COL11A1: variants seen among roughly 807,000 people sequenced by gnomAD.
The protein encoded by COL11A1 is collagen type XI alpha 1 chain.
Under a neutral mutation model 265.2 loss-of-function variants are expected in COL11A1, and 74 were observed. That is an observed-to-expected ratio of 0.28 (90% CI 0.23 to 0.34). The LOEUF is 0.34. Among genes scored for constraint, COL11A1 ranks in the 10% least tolerant of loss-of-function variants. The probability of loss-of-function intolerance (pLI) is 1.00; values close to 1 mark genes in which losing one functional copy is unlikely to be tolerated. For synonymous variants in COL11A1, 816 were observed against 727.6 expected (o/e 1.12, Z -1.96); for missense variants, 2,165 against 2,263.6 (o/e 0.96, Z 0.88).
At chr1:103,053,409 C>A (rs1159507552) in intron 4 of COL11A1, among the ~76,000 whole-genome samples, 4 of 152,156 alleles carry the variant, frequency 2.6e-5, no homozygotes, top group African/African-American at 4.8e-5. Context: ...AACAGGATAC[C>A]TTGAGGCTGT....
chr1:103,088,007 T>C (rs1673013809), intron 1 of COL11A1, among the ~76,000 whole-genome samples: 3 of 152,318 alleles, frequency 2.0e-5, no homozygotes, highest in Middle Eastern at 6.8e-3. Context: ...CTTTTTATTG[T>C]AGTCTATTGA....
chr1:103,081,328 C>A (rs997738285), intron 2 of COL11A1, among the ~76,000 whole-genome samples: 1 of 151,716 alleles, frequency 6.6e-6, no homozygotes, highest in Non-Finnish European at 1.5e-5. Context: ...TTGTTTTACT[C>A]TCTTCAAAAT....
rs931290537 is a variant in COL11A1, at chr1:103,003,551, A to T, written c.1945-283T>A. ...TTTTTAAAATAGGAAACAGTTTAAT[A>T]TTTTCTATAAGACACTTTTGTGTCA... On this transcript the variant is annotated intron_variant, in intron 20 of 66. Transcript: ENST00000370096. Among the ~76,000 whole-genome samples, 3 of 152,218 alleles carry T rather than the reference A, an allele frequency of 2.0e-5. No individual in the cohort carries two copies. In the South Asian group the frequency reaches 6.2e-4, roughly 32 times the overall value.
At chr1:103,015,846 G>C (rs1666522382) in intron 11 of COL11A1, 104 bp from the exon 12 acceptor site, 5 of 821,888 alleles carry the variant, frequency 6.1e-6, no homozygotes. Context: ...ATTTGCATTT[G>C]CCCTTTCCAC....
At chr1:103,090,142 TAAATAATA>T (rs1485696396) in intron 1 of COL11A1, among the ~76,000 whole-genome samples, 1 of 151,288 alleles carries the variant, frequency 6.6e-6, no homozygotes, top group Non-Finnish European at 1.5e-5. Flanking sequence ...AATAAATAAA[TAAATAATA>T]AAATAAAATA....
At chr1:103,031,907 A>G (rs1232546575) in intron 4 of COL11A1, among the ~76,000 whole-genome samples, 2 of 152,048 alleles carry the variant, frequency 1.3e-5, no homozygotes, top group Non-Finnish European at 2.9e-5. Flanking sequence ...ATAAATTTGT[A>G]TGATTTCAAT....
At chr1:103,054,033 G>A (rs7517682) in intron 4 of COL11A1, among the ~76,000 whole-genome samples, 75,071 of 151,918 alleles carry the variant, frequency 0.49, 20,863 homozygotes, top group East Asian at 0.91. Flanking sequence ...TATCCCCTGA[G>A]ATTTTCACAC....
rs752021003 is a variant in COL11A1 at position 102,914,793 on chromosome 1, C to T, written c.3835G>A (p.Gly1279Arg). 2 of 1,609,122 alleles carry T rather than the reference C, an allele frequency of 1.2e-6. No individual in the cohort carries two copies. The highest frequency in any genetic ancestry group is 1.7e-6 in the Non-Finnish European group (2 of 1,178,554). ...AGVGGPKGER[G>R]EKGEAGPPGA... is the part of the protein sequence containing the mutation. ...GGTGGACCAGCTTCCCCTTTCTCTC[C>T]TCTTTCTCCTTTGGGACCCTAAACA... is the stretch of plus-strand genomic sequence containing the variant. Residue 1279 changes from glycine (G) to arginine (R), a missense_variant, in exon 51 of 67, where the codon GGA (glycine) becomes AGA (arginine). Coordinates refer to ENST00000370096, the MANE Select transcript of COL11A1 (RefSeq NM_001854.4).
intron 31 of COL11A1, among the ~76,000 whole-genome samples, chr1:102,983,750 T>G (rs1663261457): frequency 6.6e-6 from 1 of 152,052 alleles, no homozygotes; most frequent in African/African-American, 2.4e-5. Context: ...ATGAGGGTAA[T>G]AGTGTGAAAG....
chr1:102,976,175 C>T (rs12126868), intron 35 of COL11A1, among the ~76,000 whole-genome samples: 11,461 of 151,618 alleles, frequency 0.076, 490 homozygotes, highest in African/African-American at 0.11. Flanking sequence ...ATTTTGCTGC[C>T]TTTCAAATGC....
At chr1:103,031,358 G>C (rs1667986830) in intron 4 of COL11A1, 114 bp from the exon 5 acceptor site, 4 of 1,264,178 alleles carry the variant, frequency 3.2e-6, no homozygotes, top group Non-Finnish European at 3.3e-6. Flanking sequence ...GAAGAAAAAT[G>C]ACCTACTTAT....
intron 23 of COL11A1, 88 bp from the exon 24 acceptor site, chr1:103,002,057 C>T (rs540640047): frequency 1.5e-5 from 16 of 1,095,080 alleles, no homozygotes; most frequent in South Asian, 1.1e-4. Context: ...CACTATAGTA[C>T]ACAGTGAGTT....
At chr1:102,960,701 T>G (rs186778964) in intron 41 of COL11A1, among the ~76,000 whole-genome samples, 4 of 151,960 alleles carry the variant, frequency 2.6e-5, no homozygotes, top group Non-Finnish European at 5.9e-5. Context: ...CAAGACAACA[T>G]TCAATGCATT....
chr1:102,968,354 C>T (rs908191177), intron 37 of COL11A1, among the ~76,000 whole-genome samples: 14 of 152,096 alleles, frequency 9.2e-5, no homozygotes, highest in African/African-American at 3.4e-4. Flanking sequence ...CAGCATTTGG[C>T]ACTATGTTTC....
At chr1:102,961,260 A>AG (rs2101565247) in intron 41 of COL11A1, among the ~76,000 whole-genome samples, 1 of 152,296 alleles carries the variant, frequency 6.6e-6, no homozygotes, top group South Asian at 2.1e-4. Flanking sequence ...ATGTATCTCA[A>AG]GAAAAAAATG....
At chr1:103,095,782 A>C (rs1391028390) in intron 1 of COL11A1, among the ~76,000 whole-genome samples, 2 of 152,034 alleles carry the variant, frequency 1.3e-5, no homozygotes, top group African/African-American at 4.8e-5. Flanking sequence ...AAGTTAACAA[A>C]AAAAAAAGAT....
chr1:102,927,861 G>A (rs972280820), intron 46 of COL11A1, among the ~76,000 whole-genome samples: 14 of 151,960 alleles, frequency 9.2e-5, no homozygotes, highest in African/African-American at 3.4e-4. Flanking sequence ...ACCTATTATT[G>A]TTTAACATGT....
chr1:102,881,556 T>C (rs1650242436), intron 65 of COL11A1, 141 bp downstream of exon 65: 3 of 708,956 alleles, frequency 4.2e-6, no homozygotes, highest in African/African-American at 1.8e-5. Flanking sequence ...CTAAGAGATA[T>C]TAAGTGGAAC....
rs183650139 is a variant in COL11A1, at chr1:102,975,938, T to A, written c.2755-1055A>T. The stretch of plus-strand genomic sequence containing the variant: ...CAGCATCTTATATTTAAAAAGTAAC[T>A]TCAAAGTTATATATAAAGTTAACAA... On this transcript the variant is annotated intron_variant, in intron 35 of 66. Transcript: ENST00000370096. Among the ~76,000 whole-genome samples the A allele has an allele frequency of 2.4e-4, 36 of 152,204 alleles. 1 individual carries two copies. In the East Asian group the frequency reaches 6.0e-3, roughly 25 times the overall value.
Sources: allele counts gnomAD v4.1 joint callset (sites outside exome capture counted in the v4.1 genomes callset), GRCh38; gene constraint gnomAD v4.1.1; transcripts MANE v1.5; gene names NCBI Gene and HGNC (gene_info 2026-07-23, HGNC 2026-07-21).